Variants in MYH11 observed in about 807,000 individuals in gnomAD.
MYH11 encodes myosin-11.
In MYH11, 80 loss-of-function variants were observed where a neutral mutation model predicts 246.6. The observed-to-expected ratio is 0.32, with a 90% confidence interval of 0.27 to 0.39. The LOEUF (loss-of-function observed/expected upper bound fraction) is 0.39. MYH11 is among the 10% of genes least tolerant of loss of function. The pLI is 1.00. For missense variants in MYH11, 2,158 were observed against 2,546.8 expected (o/e 0.85, Z 3.29); for synonymous variants, 1,071 against 1,015.5 (o/e 1.05, Z -1.04).
chr16:15,722,186 C>A (rs2040521372), intron 31 of MYH11, among the ~76,000 whole-genome samples: 1 of 152,160 alleles, frequency 6.6e-6, no homozygotes, highest in Admixed American at 6.5e-5. Context: ...AACCACTAGA[C>A]CTGCCCACGT....
At chr16:15,749,927 G>A (rs1420099900) in intron 16 of MYH11, 1 of 629,086 alleles carries the variant, frequency 1.6e-6, no homozygotes, top group Admixed American at 2.9e-5. Context: ...GACCTGCACA[G>A]CAACTCCACA....
intron 9 of MYH11, among the ~76,000 whole-genome samples, chr16:15,766,240 T>G (rs2041977152): frequency 1.3e-5 from 2 of 152,166 alleles, no homozygotes; most frequent in African/African-American, 2.4e-5. Flanking sequence ...CAGCAGCTAC[T>G]CCGTCATTGC....
At chr16:15,770,555 A>G (rs2042077742) in intron 9 of MYH11, among the ~76,000 whole-genome samples, 1 of 152,158 alleles carries the variant, frequency 6.6e-6, no homozygotes, top group Non-Finnish European at 1.5e-5. Context: ...TCAATTGATC[A>G]CCAGAGCAAC....
intron 2 of MYH11, among the ~76,000 whole-genome samples, chr16:15,825,587 T>C (rs538483895): frequency 2.0e-4 from 31 of 152,152 alleles, no homozygotes; most frequent in African/African-American, 7.2e-4. Context: ...ACATTGTGAA[T>C]GCACTTAATG....
chr16:15,735,662 C>T (rs2041097306), intron 25 of MYH11, 84 bp from the exon 26 acceptor site: 1 of 1,353,670 alleles, frequency 7.4e-7, no homozygotes, highest in African/African-American at 1.4e-5. Flanking sequence ...TTTCTGGGAC[C>T]AGACAGTTAT....
At chr16:15,751,118 GTAT>G (rs56124315) in intron 15 of MYH11, among the ~76,000 whole-genome samples, 50,861 of 143,076 alleles carry the variant, frequency 0.36, 10,176 homozygotes, top group Admixed American at 0.44. Context: ...CAAAAAGTAG[GTAT>G]TATTATTATT....
At chr16:15,808,529 G>A (rs1304266888) in intron 3 of MYH11, among the ~76,000 whole-genome samples, 1 of 152,186 alleles carries the variant, frequency 6.6e-6, no homozygotes, top group Non-Finnish European at 1.5e-5. Context: ...TGCTGAGTAA[G>A]AAGAGATACT....
At position 15,703,586 on chromosome 16, in the gene MYH11, A is replaced by C; in HGVS notation, c.*405T>G. 2.7e-6 allele frequency: 1 copy of C among 374,020 alleles called. No homozygotes were observed. The highest frequency in any genetic ancestry group is 3.2e-5 in the South Asian group (1 of 31,256). The allele number at this position is 374,020 out of a possible 1,614,324, so 23.2% of individuals were successfully genotyped here. On this transcript the variant is annotated 3_prime_UTR_variant, in exon 41 of 41. Coordinates refer to ENST00000300036, the MANE Select transcript of MYH11 (RefSeq NM_002474.3). The stretch of plus-strand genomic sequence containing the variant: ...TTTTTACCTTGAATACAGGGGTAGT[A>C]GGGGTGGTGGTGGTGGTGGTGGTTG...
intron 28 of MYH11, 109 bp downstream of exon 28, chr16:15,726,739 G>A: frequency 7.8e-7 from 1 of 1,285,752 alleles, no homozygotes; most frequent in Non-Finnish European, 1.1e-6. Flanking sequence ...CTAGAGGAAA[G>A]GACTTGCCTT....
At chr16:15,779,017 G>T (rs938534742) in intron 6 of MYH11, 174 bp from the exon 7 acceptor site, 6 of 700,866 alleles carry the variant, frequency 8.6e-6, no homozygotes, top group Admixed American at 4.0e-5. Flanking sequence ...CATCTGCTGA[G>T]CTGAAACCAC....
intron 14 of MYH11, among the ~76,000 whole-genome samples, chr16:15,754,395 A>C (rs553174504): frequency 6.6e-6 from 1 of 152,206 alleles, no homozygotes; most frequent in Non-Finnish European, 1.5e-5. Context: ...ACTATGGTGA[A>C]TATTAAATGA....
chr16:15,736,246 C>G (rs2041114762), intron 25 of MYH11, among the ~76,000 whole-genome samples: 1 of 152,116 alleles, frequency 6.6e-6, no homozygotes, highest in African/African-American at 2.4e-5. Flanking sequence ...ACTGGATTTT[C>G]CCTAGTAAGC....
At chr16:15,714,296 A>C (rs994252347) in intron 40 of MYH11, 2 of 155,206 alleles carry the variant, frequency 1.3e-5, no homozygotes, top group African/African-American at 4.8e-5. Flanking sequence ...TGGCAGTCGT[A>C]CCCTCCCATC....
At chr16:15,757,160 G>T (rs1353464757) in intron 13 of MYH11, among the ~76,000 whole-genome samples, 1 of 151,378 alleles carries the variant, frequency 6.6e-6, no homozygotes, top group Non-Finnish European at 1.5e-5. Flanking sequence ...GTTCCTGTTA[G>T]AAAAGTTTTT....
intron 19 of MYH11, among the ~76,000 whole-genome samples, chr16:15,747,065 G>A (rs2041436143): frequency 6.6e-6 from 1 of 151,968 alleles, no homozygotes; most frequent in South Asian, 2.1e-4. Flanking sequence ...TCCAGCCTGG[G>A]CGACAGAGAG....
intron 36 of MYH11, 45 bp from the exon 37 acceptor site, chr16:15,718,483 C>A (rs549966054): frequency 2.0e-4 from 301 of 1,536,980 alleles, no homozygotes; most frequent in Non-Finnish European, 2.6e-4. Flanking sequence ...CCTCCCCCGC[C>A]TTAAAAGATG....
At chr16:15,822,543 C>CA (rs373246168) in intron 3 of MYH11, among the ~76,000 whole-genome samples, 1 of 151,828 alleles carries the variant, frequency 6.6e-6, no homozygotes, top group African/African-American at 2.4e-5. Flanking sequence ...AAAAACAAAA[C>CA]AAAAAAACCC....
At chr16:15,776,768 C>T (rs1026937015) in intron 7 of MYH11, among the ~76,000 whole-genome samples, 1 of 152,132 alleles carries the variant, frequency 6.6e-6, no homozygotes, top group East Asian at 1.9e-4. Context: ...CGAGAGAGAC[C>T]GTAAACACGC....
intron 8 of MYH11, among the ~76,000 whole-genome samples, chr16:15,772,464 A>T (rs990056843): frequency 1.3e-5 from 2 of 152,096 alleles, no homozygotes; most frequent in African/African-American, 2.4e-5. Context: ...TTACTACCAA[A>T]GGTTTATAAT....
Sources: gnomAD v4.1 joint callset for allele counts (sites outside exome capture counted in the v4.1 genomes callset) on GRCh38, gnomAD v4.1.1 for gene constraint, MANE v1.5 for transcripts, NCBI Gene and HGNC (gene_info 2026-07-23, HGNC 2026-07-21) for gene names.